Variants in NLGN1 observed in about 807,000 individuals in gnomAD.
NLGN1 encodes neuroligin-1.
NLGN1 carries 12 observed loss-of-function variants against 65.5 expected under a neutral mutation model. The ratio of observed to expected loss-of-function variants is 0.18; its 90% CI spans 0.12 to 0.30. The LOEUF (loss-of-function observed/expected upper bound fraction) is 0.30. Among genes scored for constraint, NLGN1 ranks in the 10% least tolerant of loss-of-function variants. NLGN1 has a pLI of 1.00. For synonymous variants in NLGN1, 350 were observed against 359.5 expected, an observed-to-expected ratio of 0.97 and a Z score of 0.30; for missense variants, 750 against 1,007.1, an observed-to-expected ratio of 0.74 and a Z score of 3.46.
chr3:174,278,039 A>G (rs1018529075), intron 5 of NLGN1, among the ~76,000 whole-genome samples: 67 of 152,022 alleles, frequency 4.4e-4, no homozygotes, highest in Admixed American at 2.0e-4. Flanking sequence ...ACTTAACTGC[A>G]TATGGAACCA....
At chr3:173,638,383 A>G (rs895446091) in intron 3 of NLGN1, among the ~76,000 whole-genome samples, 10 of 95,490 alleles carry the variant, frequency 1.0e-4, no homozygotes, top group African/African-American at 2.9e-4. Flanking sequence ...AAATCATTAT[A>G]AAATGAAAAA....
intron 3 of NLGN1, among the ~76,000 whole-genome samples, chr3:173,622,768 G>C (rs1220104304): frequency 6.6e-6 from 1 of 151,926 alleles, no homozygotes; most frequent in Non-Finnish European, 1.5e-5. Flanking sequence ...ATTTTTTGTT[G>C]CAAAAATTAG....
chr3:173,847,736 G>A (rs1354691949), intron 4 of NLGN1, among the ~76,000 whole-genome samples: 2 of 152,162 alleles, frequency 1.3e-5, no homozygotes, highest in African/African-American at 2.4e-5. Context: ...GCCAGGTGTG[G>A]TGGCATGCGC....
intron 3 of NLGN1, among the ~76,000 whole-genome samples, chr3:173,662,488 AT>A (rs1242178359): frequency 6.6e-6 from 1 of 151,990 alleles, no homozygotes; most frequent in Non-Finnish European, 1.5e-5. Context: ...TATTGGAATA[AT>A]TTGTGCAGCT....
chr3:174,044,867 C>T (rs546943062), intron 4 of NLGN1, among the ~76,000 whole-genome samples: 67 of 152,214 alleles, frequency 4.4e-4, no homozygotes, highest in Middle Eastern at 6.8e-3. Flanking sequence ...CTCATGAGAT[C>T]CAATGATCTT....
chr3:173,993,195 AT>A (rs1721492454), intron 4 of NLGN1, among the ~76,000 whole-genome samples: 1 of 152,222 alleles, frequency 6.6e-6, no homozygotes, highest in African/African-American at 2.4e-5. Context: ...GTATTCAGTG[AT>A]ATAACAGCTT....
chr3:173,803,980 A>T (rs1018943795), intron 3 of NLGN1, among the ~76,000 whole-genome samples: 3 of 152,210 alleles, frequency 2.0e-5, no homozygotes, highest in South Asian at 2.1e-4. Flanking sequence ...TATCACTAAT[A>T]ATTATTCACT....
chr3:173,988,241 T>C (rs941667096), intron 4 of NLGN1, among the ~76,000 whole-genome samples: 2 of 152,124 alleles, frequency 1.3e-5, no homozygotes, highest in African/African-American at 4.8e-5. Flanking sequence ...GGGACTAGAA[T>C]TGGGGCCTAA....
At chr3:173,509,951 G>A (rs1732653794) in intron 2 of NLGN1, among the ~76,000 whole-genome samples, 1 of 152,190 alleles carries the variant, frequency 6.6e-6, no homozygotes, top group South Asian at 2.1e-4. Flanking sequence ...AATTTCAATG[G>A]ATGTGAAGGA....
intron 2 of NLGN1, among the ~76,000 whole-genome samples, chr3:173,548,372 C>T (rs1415994405): frequency 6.6e-6 from 1 of 152,044 alleles, no homozygotes; most frequent in Admixed American, 6.6e-5. Flanking sequence ...ATCAGCCAGA[C>T]TTTTAAATCG....
At chr3:173,494,294 G>A (rs1261651192) in intron 2 of NLGN1, among the ~76,000 whole-genome samples, 1 of 151,274 alleles carries the variant, frequency 6.6e-6, no homozygotes, top group Non-Finnish European at 1.5e-5. Flanking sequence ...ATGACATTGA[G>A]TAGTTTTTCA....
chr3:174,266,710 C>A (rs938351162), intron 4 of NLGN1, among the ~76,000 whole-genome samples: 26 of 152,116 alleles, frequency 1.7e-4, no homozygotes, highest in African/African-American at 5.6e-4. Context: ...ACAACCTTGC[C>A]AGCATGTTAT....
At chr3:173,833,970 A>AT (rs1372695478) in intron 4 of NLGN1, among the ~76,000 whole-genome samples, 2 of 99,928 alleles carry the variant, frequency 2.0e-5, no homozygotes, top group South Asian at 2.8e-4. Flanking sequence ...TAATCCCCTT[A>AT]TTTTTTGTGG....
intron 4 of NLGN1, among the ~76,000 whole-genome samples, chr3:174,221,445 C>T (rs2193746): frequency 0.74 from 113,147 of 151,898 alleles, 42,218 homozygotes; most frequent in East Asian, 0.81. Context: ...CTGGAGACAA[C>T]GACTACAGCA....
chr3:174,290,147 T>C (rs894296184), downstream of NLGN1, among the ~76,000 whole-genome samples: 1 of 150,654 alleles, frequency 6.6e-6, no homozygotes, highest in African/African-American at 2.4e-5. Context: ...GTTTACAGAC[T>C]TTAGGTGAGT....
rs200362805 is a variant in NLGN1 at position 173,857,836 on chromosome 3, A to T, written c.646+50004A>T. On this transcript the variant is annotated intron_variant, in intron 4 of 6. Transcript: ENST00000457714. ...TGAATATATTTAAAAATATGCTTAAATTTCAGTATTGTCCTATACAAAACC... is the reference window on the plus strand; with the variant it reads ...TGAATATATTTAAAAATATGCTTAATTTTCAGTATTGTCCTATACAAAACC... Among the ~76,000 whole-genome samples the T allele has an allele frequency of 3.7e-5, 5 of 136,406 alleles. No homozygotes were observed. In the East Asian group the frequency reaches 1.1e-3, roughly 30 times the overall value. 89.5% of individuals were successfully genotyped at this position (136,406 alleles called of 152,430 possible).
At chr3:173,521,991 G>A (rs1734836205) in intron 2 of NLGN1, among the ~76,000 whole-genome samples, 1 of 152,128 alleles carries the variant, frequency 6.6e-6, no homozygotes, top group Non-Finnish European at 1.5e-5. Context: ...ATAGTAGTGG[G>A]TAATTACTAG....
intron 2 of NLGN1, chr3:173,584,588 T>G (rs2149374576): frequency 6.6e-6 from 1 of 152,194 alleles, no homozygotes; most frequent in Admixed American, 6.5e-5. Flanking sequence ...CCAATCGAGA[T>G]AAATCTATTG....
chr3:174,112,544 G>A (rs561676300), intron 4 of NLGN1, among the ~76,000 whole-genome samples: 150 of 151,944 alleles, frequency 9.9e-4, no homozygotes, highest in African/African-American at 3.4e-3. Context: ...TAATATCACT[G>A]TATTCTGCTC....
Sources: gnomAD v4.1 joint callset for allele counts (sites outside exome capture counted in the v4.1 genomes callset) on GRCh38, gnomAD v4.1.1 for gene constraint, MANE v1.5 for transcripts, NCBI Gene and HGNC (gene_info 2026-07-23, HGNC 2026-07-21) for gene names.